The following EDIL3 variants were observed in gnomAD, a reference collection of about 807,000 sequenced individuals.
EDIL3 encodes EGF-like repeat and discoidin I-like domain-containing protein 3.
In EDIL3, 37 loss-of-function variants were observed where a neutral mutation model predicts 67.4. That is an observed-to-expected ratio of 0.55 (90% confidence interval 0.42 to 0.72). The LOEUF (loss-of-function observed/expected upper bound fraction) is 0.72, where lower values mean the gene tolerates loss of function less well. Ranked by LOEUF, EDIL3 falls within the 30% of genes least tolerant of loss-of-function variation. The pLI is 0.00. For missense variants in EDIL3, 527 were observed against 586.3 expected (o/e 0.90, Z 1.04); for synonymous variants, 195 against 196.3 (o/e 0.99, Z 0.05).
chr5:84,015,555 T>G (rs1264506277), intron 9 of EDIL3, among the ~76,000 whole-genome samples: 1 of 152,134 alleles, frequency 6.6e-6, no homozygotes, highest in African/African-American at 2.4e-5. Context: ...AGTGCATATT[T>G]CCTCAACAAA....
intron 1 of EDIL3, among the ~76,000 whole-genome samples, chr5:84,344,685 A>T (rs1336277149): frequency 6.6e-6 from 1 of 152,140 alleles, no homozygotes; most frequent in Non-Finnish European, 1.5e-5. Context: ...TTAAACATTT[A>T]AATGAGAATA....
intron 6 of EDIL3, among the ~76,000 whole-genome samples, chr5:84,104,342 A>G (rs1247319710): frequency 6.6e-6 from 1 of 151,816 alleles, no homozygotes; most frequent in African/African-American, 2.4e-5. Context: ...CATGAAGTAT[A>G]CCTATATAAC....
intron 9 of EDIL3, among the ~76,000 whole-genome samples, chr5:83,969,219 T>C (rs1429104600): frequency 6.6e-6 from 1 of 151,800 alleles, no homozygotes; most frequent in Non-Finnish European, 1.5e-5. Context: ...AAGGAGTTAT[T>C]ACAATCATTA....
intron 9 of EDIL3, among the ~76,000 whole-genome samples, chr5:84,034,028 G>C (rs1446954056): frequency 6.6e-6 from 1 of 152,140 alleles, no homozygotes. Flanking sequence ...AGATTGAACT[G>C]GTGGACATAA....
chr5:84,241,912 A>T (rs947493225), intron 2 of EDIL3, among the ~76,000 whole-genome samples: 22 of 152,100 alleles, frequency 1.4e-4, no homozygotes, highest in African/African-American at 5.1e-4. Flanking sequence ...CCTTACATAT[A>T]TTGAATCATT....
intron 1 of EDIL3, among the ~76,000 whole-genome samples, chr5:84,301,268 CAAAAAAAAAAGAA>C (rs556177278): frequency 1.0e-3 from 73 of 72,514 alleles, no homozygotes; most frequent in Admixed American, 2.5e-3. Context: ...AATTCTGTCT[CAAAAAAAAAAGAA>C]AAAAAAAAAA....
chr5:84,369,291 A>G (rs1279480930), intron 1 of EDIL3, among the ~76,000 whole-genome samples: 1 of 152,018 alleles, frequency 6.6e-6, no homozygotes, highest in East Asian at 1.9e-4. Flanking sequence ...ACATATGCAT[A>G]CATATATACA....
intron 6 of EDIL3, among the ~76,000 whole-genome samples, chr5:84,103,092 C>G (rs1372241389): frequency 6.6e-6 from 1 of 152,058 alleles, no homozygotes; most frequent in Non-Finnish European, 1.5e-5. Flanking sequence ...TGATCCTCCA[C>G]AAAGCTGACA....
chr5:84,148,923 A>G (rs1300192295), intron 4 of EDIL3, among the ~76,000 whole-genome samples: 1 of 151,376 alleles, frequency 6.6e-6, no homozygotes, highest in South Asian at 2.1e-4. Flanking sequence ...AGTAAAAGGG[A>G]CCAGAATTTT....
Position 84,118,255 on chromosome 5 carries a change from G to T in EDIL3, c.470-11425C>A, listed in dbSNP as rs73136246. On this transcript the variant is annotated intron_variant, in intron 5 of 10. Coordinates refer to ENST00000296591, the MANE Select transcript of EDIL3 (RefSeq NM_005711.5). ...GAGCTAAAAATTGCTCAGGCAGGGG[G>T]TTATGGTAATATATCCTTAGTGCCT... Among the ~76,000 whole-genome samples the T allele has an allele frequency of 6.4e-3, 970 of 152,150 alleles. 13 individuals are homozygous for T. The highest frequency in any genetic ancestry group is 0.022 in the African/African-American group (927 of 41,520).
chr5:84,057,963 A>T (rs1191812971), intron 9 of EDIL3, among the ~76,000 whole-genome samples: 1 of 152,176 alleles, frequency 6.6e-6, no homozygotes, highest in Non-Finnish European at 1.5e-5. Flanking sequence ...TGACAAAATT[A>T]CAGACGATGT....
intron 9 of EDIL3, among the ~76,000 whole-genome samples, chr5:83,977,810 A>G (rs895965122): frequency 3.3e-5 from 5 of 151,748 alleles, no homozygotes; most frequent in African/African-American, 1.2e-4. Context: ...TTTTGTCAAC[A>G]TTTTAACCAT....
At chr5:84,308,447 A>G (rs1485597565) in intron 1 of EDIL3, among the ~76,000 whole-genome samples, 6 of 152,314 alleles carry the variant, frequency 3.9e-5, no homozygotes, top group South Asian at 2.1e-4. Context: ...TTACCCAAAG[A>G]AAGTATTTTC....
intron 9 of EDIL3, among the ~76,000 whole-genome samples, chr5:83,995,643 C>G (rs1561397269): frequency 6.6e-6 from 1 of 152,146 alleles, no homozygotes. Flanking sequence ...TCTCTCCTGA[C>G]AAGTCATTTT....
intron 3 of EDIL3, among the ~76,000 whole-genome samples, chr5:84,227,757 A>G (rs1744483547): frequency 6.6e-6 from 1 of 152,148 alleles, no homozygotes; most frequent in African/African-American, 2.4e-5. Flanking sequence ...AAAAGAATGA[A>G]ATTATATGCC....
rs73769726 is a variant in EDIL3, at chr5:84,083,566, A to G, written c.652-16960T>C. ...TGAAAACCAGGCTTGTAACCCACCC[A>G]TGCTAGGGTACTAGCTAACATAACC... On this transcript the variant is annotated intron_variant, in intron 6 of 10. Coordinates refer to ENST00000296591, the MANE Select transcript of EDIL3 (RefSeq NM_005711.5). 3.5e-3 allele frequency among the ~76,000 whole-genome samples: 529 copies of G among 152,012 alleles called. 4 individuals carry two copies. The highest frequency in any genetic ancestry group is 0.012 in the African/African-American group (506 of 41,502).
At chr5:83,983,581 T>C (rs1393026184) in intron 9 of EDIL3, among the ~76,000 whole-genome samples, 1 of 152,008 alleles carries the variant, frequency 6.6e-6, no homozygotes, top group Non-Finnish European at 1.5e-5. Context: ...TTTGGCAGCA[T>C]TGTGCAATAC....
At chr5:84,227,426 A>G (rs1744472695) in intron 3 of EDIL3, among the ~76,000 whole-genome samples, 2 of 152,060 alleles carry the variant, frequency 1.3e-5, no homozygotes, top group Non-Finnish European at 2.9e-5. Context: ...ATCAAAAAAC[A>G]ACAGATGCTG....
chr5:83,961,175 A>G (rs1010531740), intron 10 of EDIL3, among the ~76,000 whole-genome samples: 7 of 151,088 alleles, frequency 4.6e-5, no homozygotes, highest in African/African-American at 1.5e-4. Flanking sequence ...GATCAAAAGG[A>G]CATTAAAAAT....
Sources: gnomAD v4.1 joint callset for allele counts (sites outside exome capture counted in the v4.1 genomes callset) on GRCh38, gnomAD v4.1.1 for gene constraint, MANE v1.5 for transcripts, NCBI Gene and HGNC (gene_info 2026-07-23, HGNC 2026-07-21) for gene names.